EPM2A: variants seen among roughly 807,000 people sequenced by gnomAD.
EPM2A encodes EPM2A glucan phosphatase, laforin, also known as laforin.
In EPM2A, 21 loss-of-function variants were observed where a neutral mutation model predicts 26.5. That is an observed-to-expected ratio of 0.79 (90% CI 0.56 to 1.14). The LOEUF (loss-of-function observed/expected upper bound fraction) is 1.14. Among genes scored for constraint, EPM2A ranks in the 50% most tolerant of loss-of-function variants. The probability of loss-of-function intolerance (pLI) is 0.00; values close to 1 mark genes in which losing one functional copy is unlikely to be tolerated. For missense variants in EPM2A, 458 were observed against 440.8 expected (o/e 1.04, Z -0.35); for synonymous variants, 217 against 177.6 (o/e 1.22, Z -1.76).
intron 4 of EPM2A, among the ~76,000 whole-genome samples, chr6:145,424,476 AATG>A (rs913665147): frequency 8.5e-5 from 13 of 152,332 alleles, no homozygotes; most frequent in African/African-American, 2.9e-4. Flanking sequence ...TAGAAGTGTA[AATG>A]ATGAGTGTAT....
chr6:145,544,308 T>C (rs984190646), intron 2 of EPM2A, among the ~76,000 whole-genome samples: 6 of 152,164 alleles, frequency 3.9e-5, no homozygotes, highest in Admixed American at 3.9e-4. Context: ...CCACCTGGGT[T>C]TGTGAATTTT....
chr6:145,517,576 T>G lies in EPM2A; in HGVS notation c.341-15001A>C, dbSNP rs149042753. ...GGCAGAAGAGCTTCGAAAGGCATAA[T>G]GTAAGAACTATTTAAATAGCAATAG... is the stretch of plus-strand genomic sequence containing the variant. On this transcript the variant is annotated intron_variant, in intron 2 of 3. Transcript: ENST00000450221. 2.0e-3 allele frequency among the ~76,000 whole-genome samples: 304 copies of G among 152,296 alleles called. 3 individuals are homozygous for G. Among genetic ancestry groups the G allele is most frequent in the African/African-American group, 7.1e-3 (296 of 41,572 alleles).
intron 4 of EPM2A, among the ~76,000 whole-genome samples, chr6:145,461,989 A>C (rs1779333116): frequency 5.3e-5 from 8 of 152,216 alleles, no homozygotes. Context: ...CTCAGGAGCC[A>C]GGCTGCTGGA....
chr6:145,443,038 T>A (rs1204879430), intron 4 of EPM2A, among the ~76,000 whole-genome samples: 1 of 151,990 alleles, frequency 6.6e-6, no homozygotes, highest in South Asian at 2.1e-4. Flanking sequence ...TTTTTGTGTG[T>A]GTGTGTGTGT....
In EPM2A at chr6:145,507,208, C is replaced by A. The variant is rs114333514; in HGVS notation, c.341-4633G>T. On this transcript the variant is annotated intron_variant, in intron 2 of 3. Transcript: ENST00000450221. ...TCAATTTTTTTAAAAGAAAGAAAAC[C>A]TTTTCTTTTCCCAAGATGGTGACAA... Among the ~76,000 whole-genome samples, 284 of 152,234 alleles carry A rather than the reference C, an allele frequency of 1.9e-3. 1 individual carries two copies. The highest frequency in any genetic ancestry group is 6.4e-3 in the African/African-American group (264 of 41,546).
intron 4 of EPM2A, chr6:145,489,645 C>T: frequency 7.7e-7 from 1 of 1,294,252 alleles, no homozygotes; most frequent in South Asian, 1.3e-5. Flanking sequence ...CTAAAACCAG[C>T]ATAGCTGTTC....
chr6:145,622,117 G>A (rs1775649991), downstream of EPM2A, among the ~76,000 whole-genome samples: 1 of 152,048 alleles, frequency 6.6e-6, no homozygotes, highest in Non-Finnish European at 1.5e-5. Context: ...TGATTTTTGA[G>A]GACAGCAATC....
chr6:145,407,060 A>G (rs1292044892), intron 4 of EPM2A, among the ~76,000 whole-genome samples: 1 of 151,952 alleles, frequency 6.6e-6, no homozygotes, highest in Non-Finnish European at 1.5e-5. Context: ...AAGTGCACAG[A>G]TGCTGACCGT....
chr6:145,595,601 T>G (rs1160614231), intron 2 of EPM2A, among the ~76,000 whole-genome samples: 1 of 152,054 alleles, frequency 6.6e-6, no homozygotes, highest in Non-Finnish European at 1.5e-5. Flanking sequence ...ATATTTTTTA[T>G]TTCATGGTTT....
At chr6:145,619,754 T>C (rs1775592356) in intron 2 of EPM2A, among the ~76,000 whole-genome samples, 1 of 152,084 alleles carries the variant, frequency 6.6e-6, no homozygotes. Context: ...AGAGGAAGTA[T>C]ATCTAAAACA....
chr6:145,491,199 C>T (rs1779749799), intron 4 of EPM2A: 1 of 442,408 alleles, frequency 2.3e-6, no homozygotes, highest in Non-Finnish European at 4.3e-6. Context: ...AGGAAATTTT[C>T]CCCGACCCCT....
At chr6:145,411,355 A>T (rs916673793) in intron 4 of EPM2A, among the ~76,000 whole-genome samples, 5 of 152,210 alleles carry the variant, frequency 3.3e-5, no homozygotes, top group African/African-American at 1.2e-4. Context: ...TGGCATAATG[A>T]CTTGATTGAT....
At chr6:145,476,731 C>T (rs9390328) in intron 4 of EPM2A, among the ~76,000 whole-genome samples, 12,602 of 151,770 alleles carry the variant, frequency 0.083, 726 homozygotes, top group East Asian at 0.27. Flanking sequence ...AAGAAGGAAA[C>T]GGAAAAATGT....
chr6:145,596,859 A>G (rs1446608565), intron 2 of EPM2A, among the ~76,000 whole-genome samples: 2 of 126,770 alleles, frequency 1.6e-5, no homozygotes, highest in Admixed American at 1.6e-4. Context: ...TCTACGTTGT[A>G]TATGCTCTCT....
At chr6:145,678,837 T>C (rs866665269) in intron 2 of EPM2A, among the ~76,000 whole-genome samples, 3 of 152,284 alleles carry the variant, frequency 2.0e-5, no homozygotes, top group Middle Eastern at 3.4e-3. Flanking sequence ...TGGAAGACAG[T>C]GTGGCAATCC....
At chr6:145,551,472 TA>T (rs1279620552) in intron 2 of EPM2A, among the ~76,000 whole-genome samples, 1 of 151,876 alleles carries the variant, frequency 6.6e-6, no homozygotes, top group Non-Finnish European at 1.5e-5. Flanking sequence ...TAAATGACAT[TA>T]AAGGGAAAAG....
chr6:145,455,379 A>G (rs1477297453), intron 4 of EPM2A, among the ~76,000 whole-genome samples: 1 of 152,142 alleles, frequency 6.6e-6, no homozygotes, highest in Non-Finnish European at 1.5e-5. Context: ...CTTTTTTGAG[A>G]CCGAGTCTCA....
intron 2 of EPM2A, among the ~76,000 whole-genome samples, chr6:145,676,315 G>A (rs979412296): frequency 6.6e-6 from 1 of 152,104 alleles, no homozygotes; most frequent in Non-Finnish European, 1.5e-5. Context: ...ATGCCCACAA[G>A]AGAAAGCAGA....
chr6:145,651,818 T>C (rs922225197), intron 2 of EPM2A, among the ~76,000 whole-genome samples: 5 of 152,060 alleles, frequency 3.3e-5, no homozygotes, highest in African/African-American at 1.2e-4. Flanking sequence ...GGAAAAATAT[T>C]TCATAGTTTG....
Sources: allele counts gnomAD v4.1 joint callset (sites outside exome capture counted in the v4.1 genomes callset), GRCh38; gene constraint gnomAD v4.1.1; transcripts MANE v1.5; gene names NCBI Gene and HGNC (gene_info 2026-07-23, HGNC 2026-07-21).